AKR1C4: variants seen among roughly 807,000 people sequenced by gnomAD.
AKR1C4 encodes the protein aldo-keto reductase family 1 member C4.
Under a neutral mutation model 41.0 loss-of-function variants are expected in AKR1C4, and 44 were observed. That is an observed-to-expected ratio of 1.07 (90% CI 0.84 to 1.38). The LOEUF (loss-of-function observed/expected upper bound fraction) is 1.38. Ranked by LOEUF, AKR1C4 falls within the 40% of genes most tolerant of loss-of-function variation. The pLI is 0.00. For missense variants in AKR1C4, 438 were observed against 387.9 expected (o/e 1.13, Z -1.09); for synonymous variants, 165 against 137.7 (o/e 1.20, Z -1.39).
chr10:5,211,135 C>A (rs1416659760), intron 5 of AKR1C4, among the ~76,000 whole-genome samples: 1 of 152,212 alleles, frequency 6.6e-6, no homozygotes, highest in African/African-American at 2.4e-5. Context: ...TAGACCTCCA[C>A]CTCCCTCTGG....
intron 2 of AKR1C4, among the ~76,000 whole-genome samples, chr10:5,202,936 C>T (rs369559153): frequency 0.097 from 7,351 of 75,706 alleles, 247 homozygotes; most frequent in Admixed American, 0.12. Flanking sequence ...CTATAGTTTT[C>T]TTTTGTGTGT....
intron 1 of AKR1C4, among the ~76,000 whole-genome samples, chr10:5,199,772 G>A (rs1832367833): frequency 6.6e-6 from 1 of 152,050 alleles, no homozygotes; most frequent in South Asian, 2.1e-4. Context: ...ATGAAACCCT[G>A]CACTCATTCA....
intron 8 of AKR1C4, among the ~76,000 whole-genome samples, chr10:5,218,274 T>C (rs1832682521): frequency 6.6e-6 from 1 of 152,206 alleles, no homozygotes; most frequent in South Asian, 2.1e-4. Flanking sequence ...CAGTAATGAA[T>C]ACATTCTTTT....
chr10:5,206,005 G>A (rs1429068990), intron 4 of AKR1C4, among the ~76,000 whole-genome samples, 171 bp downstream of exon 4: 6 of 152,132 alleles, frequency 3.9e-5, no homozygotes, highest in Admixed American at 3.9e-4. Flanking sequence ...AAATAGAATA[G>A]CAGGAAATGA....
At chr10:5,201,560 T>C (rs1554796922) in intron 2 of AKR1C4, among the ~76,000 whole-genome samples, 1 of 152,218 alleles carries the variant, frequency 6.6e-6, no homozygotes, top group Non-Finnish European at 1.5e-5. Context: ...GTTGTCTGTT[T>C]ACTCGCATGA....
At chr10:5,212,524 TTAA>T (rs1832591210) in intron 5 of AKR1C4, 89 bp from the exon 6 acceptor site, 1 of 1,164,634 alleles carries the variant, frequency 8.6e-7, no homozygotes, top group African/African-American at 1.6e-5. Flanking sequence ...CTGTTCAAAT[TTAA>T]TGTTATACTT....
At chr10:5,202,190 T>C (rs190589242) in intron 2 of AKR1C4, among the ~76,000 whole-genome samples, 25 of 152,334 alleles carry the variant, frequency 1.6e-4, no homozygotes, top group Middle Eastern at 3.4e-3. Flanking sequence ...ATGTATCATT[T>C]CTTTTTAGTA....
chr10:5,199,535 C>A (rs1033248617), intron 1 of AKR1C4, among the ~76,000 whole-genome samples: 6 of 152,070 alleles, frequency 3.9e-5, no homozygotes, highest in Non-Finnish European at 7.4e-5. Context: ...ACCGGGTGGA[C>A]TTTGAGAGGA....
At chr10:5,203,043 A>C (rs1348075287) in intron 2 of AKR1C4, among the ~76,000 whole-genome samples, 1 of 150,002 alleles carries the variant, frequency 6.7e-6, no homozygotes, top group Non-Finnish European at 1.5e-5. Flanking sequence ...TTTAGGCAGG[A>C]TTCCCTCTTT....
chr10:5,200,229 G>A lies in AKR1C4; in HGVS notation c.133G>A (p.Gly45Ser), dbSNP rs782424607. 2 of 1,614,160 alleles carry A rather than the reference G, an allele frequency of 1.2e-6. No individual in the cohort carries two copies. Among genetic ancestry groups the A allele is most frequent in the African/African-American group, 2.7e-5 (2 of 75,060 alleles). ...VEVTKLAIEA[G>S]FRHIDSAYLY... ...GGTCACCAAATTAGCAATAGAAGCT[G>A]GCTTCCGCCATATTGATTCTGCTTA... The change falls in exon 2 of 9, where the codon GGC becomes AGC. Residue 45 changes from glycine (G) to serine (S), a missense_variant. Gly to Ser is a moderately conservative substitution (Grantham distance 56, BLOSUM62 0). Transcript: ENST00000263126.
intron 5 of AKR1C4, chr10:5,207,516 G>A (rs1832508404): frequency 8.6e-6 from 4 of 467,728 alleles, no homozygotes; most frequent in South Asian, 7.1e-5. Flanking sequence ...TATAAAATAG[G>A]GTATAAGAAA....
At chr10:5,199,952 C>T (rs1302456717) in intron 1 of AKR1C4, among the ~76,000 whole-genome samples, 2 of 152,188 alleles carry the variant, frequency 1.3e-5, no homozygotes, top group African/African-American at 4.8e-5. Flanking sequence ...GTAACACATG[C>T]CCACTGGGGC....
chr10:5,208,343 T>A (rs1832520503), intron 5 of AKR1C4, among the ~76,000 whole-genome samples: 1 of 151,628 alleles, frequency 6.6e-6, no homozygotes, highest in South Asian at 2.1e-4. Flanking sequence ...TAATACAAAA[T>A]CATGATTTTC....
intron 7 of AKR1C4, among the ~76,000 whole-genome samples, chr10:5,214,585 C>T (rs1184146003): frequency 3.3e-5 from 5 of 152,170 alleles, no homozygotes; most frequent in African/African-American, 1.2e-4. Flanking sequence ...TTAATATGTG[C>T]TTCAATTAGT....
At chr10:5,206,027 T>TG (rs1368676674) in intron 4 of AKR1C4, among the ~76,000 whole-genome samples, 193 bp downstream of exon 4, 1 of 152,144 alleles carries the variant, frequency 6.6e-6, no homozygotes, top group Admixed American at 6.5e-5. Context: ...GGAGATAAAC[T>TG]GGGGACAAGG....
intron 7 of AKR1C4, among the ~76,000 whole-genome samples, chr10:5,215,173 A>AAG (rs1284841567): frequency 2.6e-5 from 4 of 152,176 alleles, no homozygotes; most frequent in African/African-American, 9.7e-5. Context: ...TAAGATTCGG[A>AAG]AGAATCTGGA....
At position 5,206,147 on chromosome 10, in the gene AKR1C4, T is replaced by TC. The variant is rs375134706; in HGVS notation, c.448-127dup. On this transcript the variant is annotated intron_variant, in intron 4 of 8. Coordinates refer to ENST00000263126, the MANE Select transcript of AKR1C4 (RefSeq NM_001818.5). ...CCTTTTGTTATCTGTTGTAATTTTT[T>TC]CTCTTGAGAATCACTGCTATTTTCA... 21 of 1,486,866 alleles carry TC rather than the reference T, an allele frequency of 1.4e-5. No individual in the cohort carries two copies. In the South Asian group the frequency reaches 1.6e-4, roughly 11 times the overall value. The allele number at this position is 1,486,866 out of a possible 1,614,324, so 92.1% of individuals were successfully genotyped here. A position where few individuals can be genotyped will look rare whatever the true frequency, so the allele number is the denominator to read the frequency against.
In AKR1C4 at chr10:5,206,375, A is replaced by G. The variant is rs553027648; in HGVS notation, c.548A>G (p.Lys183Arg). The G allele has an allele frequency of 6.2e-7, 1 of 1,614,104 alleles. No individual in the cohort carries two copies. The highest frequency in any genetic ancestry group is 8.5e-7 in the Non-Finnish European group (1 of 1,179,978). The part of the protein sequence containing the change: ...LEMILNKPGL[K>R]YKPVCNQVEC... Reference sequence around the variant, plus strand: ...ATGATCCTCAACAAGCCAGGACTCAAGTACAAGCCTGTCTGCAACCAGGTG... The same window carrying G: ...ATGATCCTCAACAAGCCAGGACTCAGGTACAAGCCTGTCTGCAACCAGGTG... The change falls in exon 5 of 9, where the codon AAG becomes AGG. Residue 183 changes from lysine (K) to arginine (R), a missense_variant. Coordinates refer to ENST00000263126, the MANE Select transcript of AKR1C4 (RefSeq NM_001818.5).
At chr10:5,204,967 C>T (rs185681181) in intron 3 of AKR1C4, among the ~76,000 whole-genome samples, 1 of 152,124 alleles carries the variant, frequency 6.6e-6, no homozygotes, top group Non-Finnish European at 1.5e-5. Flanking sequence ...GCCTTTTTCA[C>T]TAAGGCTTAT....
Sources: allele counts gnomAD v4.1 joint callset (sites outside exome capture counted in the v4.1 genomes callset), GRCh38; gene constraint gnomAD v4.1.1; transcripts MANE v1.5; gene names NCBI Gene and HGNC (gene_info 2026-07-23, HGNC 2026-07-21).